IFT88: variants seen among roughly 807,000 people sequenced by gnomAD.
IFT88 encodes intraflagellar transport protein 88 homolog.
In IFT88, 74 loss-of-function variants were observed where a neutral mutation model predicts 119.5. The observed-to-expected ratio is 0.62, with a 90% CI of 0.51 to 0.75. IFT88 has a LOEUF of 0.75. IFT88 is among the 30% of genes least tolerant of loss of function. IFT88 has a pLI of 0.00. For synonymous variants in IFT88, 279 were observed against 316.7 expected (o/e 0.88, Z 1.26); for missense variants, 961 against 977.7 (o/e 0.98, Z 0.23).
chr13:20,607,438 G>A lies in IFT88; in HGVS notation c.1112+2333G>A, dbSNP rs1267060055. The A allele has an allele frequency of 6.1e-6, 4 of 660,734 alleles. No homozygotes were observed. In the East Asian group the frequency reaches 1.2e-4, roughly 20 times the overall value. The allele number at this position is 660,734 out of a possible 1,614,324, so 40.9% of individuals were successfully genotyped here. On this transcript the variant is annotated intron_variant, in intron 13 of 25. Coordinates refer to ENST00000351808, the MANE Select transcript of IFT88 (RefSeq NM_006531.5). ...TCATTATAAAGAAGCAGAGCAACAA[G>A]GTGTACTTGTCACTCATCCCCATCA...
intron 14 of IFT88, among the ~76,000 whole-genome samples, chr13:20,622,152 C>T (rs1029143771): frequency 1.3e-5 from 2 of 152,128 alleles, no homozygotes; most frequent in African/African-American, 2.4e-5. Flanking sequence ...GTCTGTAATC[C>T]TCCAATGAGC....
At chr13:20,634,289 G>T (rs995092400) in intron 16 of IFT88, among the ~76,000 whole-genome samples, 1 of 152,182 alleles carries the variant, frequency 6.6e-6, no homozygotes, top group Non-Finnish European at 1.5e-5. Context: ...AGTCATTATT[G>T]TAATAATCTA....
Position 20,670,553 on chromosome 13 carries a change from A to G in IFT88, c.2176-420A>G, listed in dbSNP as rs9579920. Among the ~76,000 whole-genome samples the G allele has an allele frequency of 5.9e-3, 815 of 138,488 alleles. 8 individuals carry two copies. The highest frequency in any genetic ancestry group is 0.019 in the African/African-American group (712 of 37,990). 90.9% of individuals were successfully genotyped at this position (138,488 alleles called of 152,430 possible). A position where few individuals can be genotyped will look rare whatever the true frequency, so the allele number is the denominator to read the frequency against. ...TTTTTTTTTTTTTTTTTTTACCCTCAAATAGTTCAGGTCCAACCATTGTAT... is the reference window on the plus strand; with the variant it reads ...TTTTTTTTTTTTTTTTTTTACCCTCGAATAGTTCAGGTCCAACCATTGTAT... On this transcript the variant is annotated intron_variant, in intron 23 of 25. Coordinates refer to ENST00000351808, the MANE Select transcript of IFT88 (RefSeq NM_006531.5).
intron 20 of IFT88, among the ~76,000 whole-genome samples, chr13:20,646,183 C>G (rs1049612260): frequency 1.3e-5 from 2 of 152,110 alleles, no homozygotes; most frequent in East Asian, 3.9e-4. Flanking sequence ...CATCACTATT[C>G]TAGTCCCACA....
chr13:20,597,058 T>C lies in IFT88; in HGVS notation c.533T>C (p.Leu178Pro). 2 of 1,609,004 alleles carry C rather than the reference T, an allele frequency of 1.2e-6. No individual in the cohort carries two copies. Among genetic ancestry groups the C allele is most frequent in the Non-Finnish European group, 1.7e-6 (2 of 1,177,466 alleles). ...GATGCAGGAAGAAAAGAGAGAGTCC[T>C]GGTGAGACAGCGAGAACAAGTTACA... ...AKDAGRKERVLVRQREQVTTP... is the reference protein window; with the variant it reads ...AKDAGRKERVPVRQREQVTTP... Residue 178 changes from leucine (L) to proline (P), a missense_variant, in exon 9 of 26, where the codon CTG becomes CCG. Leu to Pro is a moderately conservative substitution (Grantham distance 98). Transcript: ENST00000351808.
At chr13:20,644,331 C>T (rs2050413706) in intron 19 of IFT88, among the ~76,000 whole-genome samples, 1 of 152,124 alleles carries the variant, frequency 6.6e-6, no homozygotes, top group Non-Finnish European at 1.5e-5. Flanking sequence ...GAAACCCCCT[C>T]TCTACTAAAA....
intron 19 of IFT88, among the ~76,000 whole-genome samples, chr13:20,644,445 G>A (rs2050438615): frequency 6.6e-6 from 1 of 152,104 alleles, no homozygotes; most frequent in Admixed American, 6.5e-5. Flanking sequence ...AGGTTGTAGT[G>A]AGCCAAGATC....
intron 20 of IFT88, among the ~76,000 whole-genome samples, chr13:20,650,353 T>G (rs1014739997): frequency 1.3e-5 from 2 of 152,074 alleles, no homozygotes; most frequent in Non-Finnish European, 2.9e-5. Context: ...TTCACATTAA[T>G]AGAATGAAGA....
In IFT88 at chr13:20,589,585, T is replaced by C. The variant is rs568018778; in HGVS notation, c.154-226T>C. On this transcript the variant is annotated intron_variant, in intron 3 of 25. Transcript: ENST00000351808. ...TCTTTCTTATCGGCACCTCAGATCG[T>C]TCAAAAGTCCCCTTTCTCCTTTAAA... 3.3e-5 allele frequency among the ~76,000 whole-genome samples: 5 copies of C among 152,282 alleles called. No individual in the cohort carries two copies. In the South Asian group the frequency reaches 1.0e-3, roughly 32 times the overall value.
intron 19 of IFT88, among the ~76,000 whole-genome samples, chr13:20,643,835 C>A (rs2050324901): frequency 6.6e-6 from 1 of 152,170 alleles, no homozygotes; most frequent in African/African-American, 2.4e-5. Flanking sequence ...CTCACTGCAG[C>A]CTCCTCCTCC....
chr13:20,671,055 T>G lies in IFT88; in HGVS notation c.2242+16T>G. On this transcript the variant is annotated intron_variant, in intron 24 of 25. Transcript: ENST00000351808. ...GCTAGCGGTGGTAAGTATTTTCTCT[T>G]TCCCTGAAAAACTTGGTTTCCACAT... 6.2e-7 allele frequency: 1 copy of G among 1,610,620 alleles called. No individual in the cohort carries two copies. Among genetic ancestry groups the G allele is most frequent in the South Asian group, 1.1e-5 (1 of 90,642 alleles).
intron 14 of IFT88, among the ~76,000 whole-genome samples, chr13:20,620,512 G>T (rs1380250705): frequency 6.6e-6 from 1 of 152,204 alleles, no homozygotes; most frequent in Non-Finnish European, 1.5e-5. Flanking sequence ...CAAGGTGGTA[G>T]TATTAGGAGG....
chr13:20,598,056 G>C (rs1177492333), intron 9 of IFT88, among the ~76,000 whole-genome samples: 1 of 152,018 alleles, frequency 6.6e-6, no homozygotes, highest in Admixed American at 6.6e-5. Flanking sequence ...ATTTTCAGTG[G>C]GTAAAGGTTT....
chr13:20,632,011 G>T (rs1390636642), intron 16 of IFT88: 1 of 152,034 alleles, frequency 6.6e-6, no homozygotes, highest in Non-Finnish European at 1.5e-5. Flanking sequence ...GGGCATGATG[G>T]TGCATGCCTA....
At chr13:20,586,564 A>G (rs7995035) in intron 3 of IFT88, among the ~76,000 whole-genome samples, 118,275 of 152,032 alleles carry the variant, frequency 0.78, 46,697 homozygotes, top group East Asian at 1. Flanking sequence ...GGCATTGCAG[A>G]TAAGGGTACA....
chr13:20,580,703 A>C (rs1035671782), intron 2 of IFT88, among the ~76,000 whole-genome samples: 1 of 150,594 alleles, frequency 6.6e-6, no homozygotes, highest in Non-Finnish European at 1.5e-5. Flanking sequence ...TGGATCATGG[A>C]TCATGAAGAT....
chr13:20,584,552 C>T (rs2039297574), intron 3 of IFT88, among the ~76,000 whole-genome samples: 2 of 152,026 alleles, frequency 1.3e-5, no homozygotes, highest in African/African-American at 4.8e-5. Flanking sequence ...TTAATTAATA[C>T]TCAATTAATT....
intron 13 of IFT88, chr13:20,608,165 G>T: frequency 3.0e-6 from 1 of 338,218 alleles, no homozygotes; most frequent in South Asian, 3.7e-5. Flanking sequence ...GAGTCCAGAG[G>T]ACAGGACCAG....
chr13:20,684,480 C>G (rs2057673516), intron 24 of IFT88, among the ~76,000 whole-genome samples: 1 of 152,172 alleles, frequency 6.6e-6, no homozygotes. Flanking sequence ...TCCTTGTCAT[C>G]TATATAGAAA....
Sources: gnomAD v4.1 joint callset for allele counts (sites outside exome capture counted in the v4.1 genomes callset) on GRCh38, gnomAD v4.1.1 for gene constraint, MANE v1.5 for transcripts, NCBI Gene and HGNC (gene_info 2026-07-23, HGNC 2026-07-21) for gene names.